DMD: variants seen among roughly 807,000 people sequenced by gnomAD.
DMD encodes the protein dystrophin, also known as mutant dystrophin.
Under a neutral mutation model 330.1 loss-of-function variants are expected in DMD, and 63 were observed. The ratio of observed to expected loss-of-function variants is 0.19; its 90% CI spans 0.16 to 0.24. DMD has a LOEUF of 0.24. Among genes scored for constraint, DMD ranks in the 10% least tolerant of loss-of-function variants. DMD has a pLI of 1.00. For missense variants in DMD, 3,344 were observed against 2,684.1 expected (o/e 1.25, Z -5.43); for synonymous variants, 1,223 against 959.8 (o/e 1.27, Z -5.07).
chrX:32,234,218 G>C (rs778034091), intron 43 of DMD, among the ~76,000 whole-genome samples: 1 of 111,557 alleles, frequency 9.0e-6, no homozygotes, highest in Non-Finnish European at 1.9e-5. Flanking sequence ...TTTTAGTTAT[G>C]TTGGGTCAGG....
intron 44 of DMD, among the ~76,000 whole-genome samples, chrX:32,175,773 T>G (rs990927399): frequency 9.0e-6 from 1 of 111,599 alleles, no homozygotes; most frequent in Admixed American, 9.6e-5. Flanking sequence ...TACATGAAAC[T>G]CAACTTTTGA....
intron 48 of DMD, among the ~76,000 whole-genome samples, chrX:31,869,686 G>T (rs1172422776): frequency 9.1e-6 from 1 of 109,460 alleles, no homozygotes. Flanking sequence ...GCAGAAGCTG[G>T]ATGACTTGCT....
intron 22 of DMD, 97 bp downstream of exon 22, chrX:32,472,067 T>A: frequency 2.8e-6 from 3 of 1,068,291 alleles, no homozygotes; most frequent in Non-Finnish European, 3.9e-6. Context: ...ACCATACTTG[T>A]CAGAATGACT....
At chrX:31,905,721 T>A (rs1015477651) in intron 47 of DMD, among the ~76,000 whole-genome samples, 1 of 111,161 alleles carries the variant, frequency 9.0e-6, no homozygotes, top group Non-Finnish European at 1.9e-5. Flanking sequence ...TAAAAAATTA[T>A]AGCATGAAAA....
At chrX:33,090,008 C>G (rs1406143424) in intron 1 of DMD, among the ~76,000 whole-genome samples, 1 of 111,751 alleles carries the variant, frequency 8.9e-6, no homozygotes, top group Non-Finnish European at 1.9e-5. Context: ...CTAAGATACT[C>G]AATCATGTGA....
intron 13 of DMD, among the ~76,000 whole-genome samples, chrX:32,574,823 A>G (rs917634174): frequency 9.0e-6 from 1 of 111,424 alleles, no homozygotes; most frequent in Admixed American, 9.6e-5. Flanking sequence ...ACATATGTGT[A>G]TTAACCCACC....
intron 67 of DMD, among the ~76,000 whole-genome samples, chrX:31,197,710 A>G (rs901020936): frequency 5.4e-5 from 6 of 111,734 alleles, no homozygotes; most frequent in Non-Finnish European, 1.1e-4. Context: ...ACTTGACGTT[A>G]TCTAAACAAT....
chrX:32,101,876 C>T (rs1183244987), intron 44 of DMD, among the ~76,000 whole-genome samples: 3 of 111,140 alleles, frequency 2.7e-5, no homozygotes, highest in East Asian at 5.7e-4. Flanking sequence ...GAGGGCTCTG[C>T]CCTTATGAAT....
At chrX:32,595,193 G>C (rs1394552549) in intron 13 of DMD, among the ~76,000 whole-genome samples, 5 of 111,494 alleles carry the variant, frequency 4.5e-5, no homozygotes, top group Admixed American at 9.6e-5. Context: ...ATATTTAGTA[G>C]ATGTCTTTGG....
intron 55 of DMD, among the ~76,000 whole-genome samples, chrX:31,578,254 A>G (rs1239872210): frequency 8.9e-6 from 1 of 112,054 alleles, no homozygotes; most frequent in East Asian, 2.8e-4. Flanking sequence ...TAGGCAAGAC[A>G]GGTGTCATTA....
At chrX:31,680,708 G>A (rs371214360) in intron 52 of DMD, among the ~76,000 whole-genome samples, 20 of 110,970 alleles carry the variant, frequency 1.8e-4, no homozygotes, top group East Asian at 1.7e-3. Context: ...AAGAATTCAC[G>A]CTGGGTGCAT....
intron 2 of DMD, among the ~76,000 whole-genome samples, chrX:32,869,129 G>A (rs2082749306): frequency 9.0e-6 from 1 of 111,027 alleles, no homozygotes; most frequent in African/African-American, 3.3e-5. Flanking sequence ...AATGGGGTCT[G>A]GAGCGAACCC....
chrX:32,635,355 G>T (rs925793178), intron 11 of DMD, among the ~76,000 whole-genome samples: 3 of 111,448 alleles, frequency 2.7e-5, no homozygotes, highest in African/African-American at 9.8e-5. Context: ...CTTTTCTAGT[G>T]TGGACAGTTG....
Position 32,280,163 on chromosome X carries a change from C to T in DMD, c.6290+7366G>A, listed in dbSNP as rs560446703. On this transcript the variant is annotated intron_variant, in intron 43 of 78. Transcript: ENST00000357033. ...TATACAGTATATATATATATATATA[C>T]AGTATATATATATATATATATATAC... is the stretch of plus-strand genomic sequence containing the variant. 9.6e-3 allele frequency among the ~76,000 whole-genome samples: 101 copies of T among 10,495 alleles called. 4 individuals are homozygous for T. The East Asian group carries it at 0.12, about 12-fold the overall frequency. 9.1% of individuals were successfully genotyped at this position (10,495 alleles called of 115,157 possible).
chrX:33,193,990 T>C (rs1349643960), intron 1 of DMD, among the ~76,000 whole-genome samples: 1 of 110,413 alleles, frequency 9.1e-6, no homozygotes, highest in Non-Finnish European at 1.9e-5. Flanking sequence ...GAGTATATAA[T>C]CTAGTAGCGG....
intron 55 of DMD, among the ~76,000 whole-genome samples, chrX:31,626,825 A>G (rs1263516652): frequency 8.9e-6 from 1 of 112,068 alleles, no homozygotes; most frequent in Non-Finnish European, 1.9e-5. Context: ...TAATAGTTTA[A>G]AAATATCAAA....
chrX:32,310,387 G>C, intron 41 of DMD, 111 bp from the exon 42 acceptor site: 1 of 634,003 alleles, frequency 1.6e-6, no homozygotes, highest in East Asian at 3.6e-5. Context: ...TCTACAAACT[G>C]GGCTGAAAAT....
intron 29 of DMD, among the ~76,000 whole-genome samples, chrX:32,425,459 T>G (rs1256523541): frequency 1.8e-5 from 2 of 111,575 alleles, no homozygotes; most frequent in Admixed American, 9.6e-5. Flanking sequence ...CTATTGGATC[T>G]TCCCTTATAC....
At chrX:32,860,124 CAG>C (rs2081964842) in intron 2 of DMD, among the ~76,000 whole-genome samples, 1 of 111,895 alleles carries the variant, frequency 8.9e-6, no homozygotes, top group African/African-American at 3.2e-5. Flanking sequence ...GAAGCACAAA[CAG>C]TGTTCAAAAA....
Sources: gnomAD v4.1 joint callset for allele counts (sites outside exome capture counted in the v4.1 genomes callset) on GRCh38, gnomAD v4.1.1 for gene constraint, MANE v1.5 for transcripts, NCBI Gene and HGNC (gene_info 2026-07-23, HGNC 2026-07-21) for gene names.